Variants in EPHA6 observed in about 807,000 individuals in gnomAD.
EPHA6 encodes EPH receptor A6, also known as ephrin type-A receptor 6.
Under a neutral mutation model 112.0 loss-of-function variants are expected in EPHA6, and 50 were observed. The ratio of observed to expected loss-of-function variants is 0.45; its 90% CI spans 0.36 to 0.56. EPHA6 has a LOEUF of 0.56. Among genes scored for constraint, EPHA6 ranks in the 20% least tolerant of loss-of-function variants. The pLI, the probability that EPHA6 is intolerant of heterozygous loss-of-function variation, is 0.00. For synonymous variants in EPHA6, 529 were observed against 490.7 expected, an observed-to-expected ratio of 1.08 and a Z score of -1.03; for missense variants, 1,280 against 1,417.4, an observed-to-expected ratio of 0.90 and a Z score of 1.56.
At chr3:97,025,239 C>A (rs1302727866) in intron 3 of EPHA6, among the ~76,000 whole-genome samples, 1 of 152,040 alleles carries the variant, frequency 6.6e-6, no homozygotes, top group Non-Finnish European at 1.5e-5. Flanking sequence ...TGCAACATTT[C>A]AACACTTTTT....
In EPHA6 at chr3:97,297,943, T is replaced by C. The variant is rs140537966; in HGVS notation, c.1606+53656T>C. Among the ~76,000 whole-genome samples, 178 of 152,110 alleles carry C rather than the reference T, an allele frequency of 1.2e-3. 1 individual carries two copies. The East Asian group carries it at 0.013, about 11-fold the overall frequency. Reference sequence around the variant, plus strand: ...CATACCCAGCTAATTTTTGTATTTTTAGTAGAGACAGGGTTTCACCATGTT... The same window carrying C: ...CATACCCAGCTAATTTTTGTATTTTCAGTAGAGACAGGGTTTCACCATGTT... On this transcript the variant is annotated intron_variant, in intron 5 of 17. Coordinates refer to ENST00000389672, the MANE Select transcript of EPHA6 (RefSeq NM_001080448.3).
intron 5 of EPHA6, among the ~76,000 whole-genome samples, chr3:97,392,224 C>T (rs965213865): frequency 4.0e-5 from 6 of 151,784 alleles, no homozygotes; most frequent in Admixed American, 2.0e-4. Flanking sequence ...ATTAGGTTTA[C>T]GTAGGCTCTT....
intron 5 of EPHA6, among the ~76,000 whole-genome samples, chr3:97,309,048 A>G (rs1347013300): frequency 1.3e-5 from 2 of 151,754 alleles, no homozygotes; most frequent in Non-Finnish European, 3.0e-5. Context: ...CAAAGACAAC[A>G]TATCCTTGAA....
intron 5 of EPHA6, among the ~76,000 whole-genome samples, chr3:97,392,962 C>T (rs1326464099): frequency 6.6e-6 from 1 of 151,686 alleles, no homozygotes; most frequent in African/African-American, 2.4e-5. Context: ...TTAAAATTAT[C>T]ATATGTAATT....
intron 10 of EPHA6, among the ~76,000 whole-genome samples, chr3:97,499,243 A>G (rs1486127374): frequency 6.6e-6 from 1 of 152,174 alleles, no homozygotes; most frequent in Non-Finnish European, 1.5e-5. Flanking sequence ...ACTTTCTGTT[A>G]TCATGGATAA....
chr3:97,461,259 A>C (rs771615090), intron 7 of EPHA6, among the ~76,000 whole-genome samples: 6 of 152,216 alleles, frequency 3.9e-5, no homozygotes, highest in Admixed American at 1.3e-4. Context: ...ATTGCAAAAG[A>C]GAATTAGCAA....
chr3:96,881,606 G>A (rs2107510906), intron 2 of EPHA6, among the ~76,000 whole-genome samples: 1 of 152,222 alleles, frequency 6.6e-6, no homozygotes, highest in Admixed American at 6.5e-5. Flanking sequence ...CCTGGCCCCT[G>A]TCAAATCTCA....
chr3:97,737,323 G>C (rs539335129), intron 16 of EPHA6, among the ~76,000 whole-genome samples: 10 of 152,166 alleles, frequency 6.6e-5, no homozygotes, highest in African/African-American at 2.4e-4. Flanking sequence ...CAAGGAACAA[G>C]ACTGGAAACA....
At chr3:96,982,420 C>T (rs944399025) in intron 2 of EPHA6, among the ~76,000 whole-genome samples, 2 of 152,018 alleles carry the variant, frequency 1.3e-5, no homozygotes, top group African/African-American at 2.4e-5. Flanking sequence ...GTCTGAGAGA[C>T]AGTTTGTTAT....
intron 14 of EPHA6, among the ~76,000 whole-genome samples, chr3:97,654,161 GT>G (rs1469016724): frequency 6.6e-6 from 1 of 151,892 alleles, no homozygotes; most frequent in Non-Finnish European, 1.5e-5. Flanking sequence ...AGGTAAATAT[GT>G]GAGGTGATAA....
chr3:96,840,589 C>A (rs896552044), intron 1 of EPHA6, among the ~76,000 whole-genome samples: 1 of 152,022 alleles, frequency 6.6e-6, no homozygotes, highest in East Asian at 1.9e-4. Flanking sequence ...GCTGTCTGAC[C>A]ACTACCTATG....
intron 13 of EPHA6, among the ~76,000 whole-genome samples, chr3:97,628,702 T>C (rs1041491658): frequency 6.6e-6 from 1 of 152,014 alleles, no homozygotes; most frequent in Non-Finnish European, 1.5e-5. Context: ...ATTAAAGAGA[T>C]CTTTTAAATA....
At chr3:97,246,519 T>A (rs2078990934) in intron 5 of EPHA6, among the ~76,000 whole-genome samples, 1 of 151,928 alleles carries the variant, frequency 6.6e-6, no homozygotes, top group Admixed American at 6.6e-5. Flanking sequence ...GTGGTATACA[T>A]ATATTGGAAC....
chr3:97,448,666 A>C lies in EPHA6; in HGVS notation c.1830A>C (p.Arg610=). ...CCACCAAATATGTATTTCACATCCG[A>C]GTGAGAACTGCGACAGGATACAGTG... The part of the protein sequence containing the change: ...KPATKYVFHI[R]VRTATGYSGY... The change falls in exon 7 of 18, where the codon CGA becomes CGC. Residue 610 remains arginine (R), a synonymous_variant. Transcript: ENST00000389672. The C allele has an allele frequency of 6.2e-7, 1 of 1,613,584 alleles. No homozygotes were observed. Among genetic ancestry groups the C allele is most frequent in the East Asian group, 2.2e-5 (1 of 44,862 alleles).
At chr3:96,889,466 T>C (rs894317058) in intron 2 of EPHA6, among the ~76,000 whole-genome samples, 1 of 152,152 alleles carries the variant, frequency 6.6e-6, no homozygotes, top group Non-Finnish European at 1.5e-5. Flanking sequence ...AAGGCACTTC[T>C]TACATGGTGG....
chr3:97,710,313 T>C (rs2033900866), intron 14 of EPHA6, among the ~76,000 whole-genome samples: 1 of 152,212 alleles, frequency 6.6e-6, no homozygotes, highest in African/African-American at 2.4e-5. Flanking sequence ...CAGATGATAG[T>C]CAGAGCTAGC....
At chr3:97,404,558 A>T (rs997480377) in intron 5 of EPHA6, among the ~76,000 whole-genome samples, 12 of 152,308 alleles carry the variant, frequency 7.9e-5, no homozygotes, top group African/African-American at 2.6e-4. Context: ...ATTATAATAT[A>T]TGGAAAAGTA....
chr3:97,438,819 TG>T (rs1381123318), intron 6 of EPHA6, among the ~76,000 whole-genome samples: 1 of 152,166 alleles, frequency 6.6e-6, no homozygotes, highest in African/African-American at 2.4e-5. Context: ...CATATTATTT[TG>T]GTTTATCTTA....
At chr3:97,425,266 A>G (rs1046994400) in intron 6 of EPHA6, among the ~76,000 whole-genome samples, 8 of 152,204 alleles carry the variant, frequency 5.3e-5, no homozygotes, top group Non-Finnish European at 1.2e-4. Flanking sequence ...TTGCTTCCAC[A>G]TTGCCCTAGC....
Sources: allele counts gnomAD v4.1 joint callset (sites outside exome capture counted in the v4.1 genomes callset), GRCh38; gene constraint gnomAD v4.1.1; transcripts MANE v1.5; gene names NCBI Gene and HGNC (gene_info 2026-07-23, HGNC 2026-07-21).